Variants in TBC1D16 observed in about 807,000 individuals in gnomAD.
The protein encoded by TBC1D16 is TBC1 domain family member 16.
Under a neutral mutation model 74.7 loss-of-function variants are expected in TBC1D16, and 58 were observed. The ratio of observed to expected loss-of-function variants is 0.78; its 90% CI spans 0.63 to 0.97. The LOEUF (loss-of-function observed/expected upper bound fraction) is 0.97. TBC1D16 is among the 50% of genes least tolerant of loss of function. The pLI is 0.00. For missense variants in TBC1D16, 1,014 were observed against 1,079.5 expected, an observed-to-expected ratio of 0.94 and a Z score of 0.85; for synonymous variants, 493 against 474.7, an observed-to-expected ratio of 1.04 and a Z score of -0.50.
chr17:79,989,509 C>T (rs530428976), intron 3 of TBC1D16, among the ~76,000 whole-genome samples: 1 of 152,342 alleles, frequency 6.6e-6, no homozygotes, highest in Admixed American at 6.5e-5. Flanking sequence ...CTTTGCCTGC[C>T]ATGGACAGAG....
Position 79,971,445 on chromosome 17 carries a change from T to A in TBC1D16, c.780-18627A>T, listed in dbSNP as rs571676357. 1.3e-5 allele frequency among the ~76,000 whole-genome samples: 2 copies of A among 152,084 alleles called. No homozygotes were observed. Among genetic ancestry groups the A allele is most frequent in the Non-Finnish European group, 2.9e-5 (2 of 67,986 alleles). ...CGGCATTGGAAGCCTGTCCCCCAGG[T>A]CATCCTGGTCTGGAAGCCCTGTCCC... is the stretch of plus-strand genomic sequence containing the variant. On this transcript the variant is annotated intron_variant, in intron 3 of 11. Transcript: ENST00000310924. The surrounding 1 kb of genome is among the most constrained non-coding windows in gnomAD (Gnocchi z 4.6).
At position 79,949,770 on chromosome 17, in the gene TBC1D16, C is replaced by G. The variant is rs770194082; in HGVS notation, c.1353G>C (p.Arg451=). 9.9e-6 allele frequency: 16 copies of G among 1,613,504 alleles called. No individual in the cohort carries two copies. Among genetic ancestry groups the G allele is most frequent in the East Asian group, 2.2e-5 (1 of 44,876 alleles). Residue 451 remains arginine (R), a synonymous_variant, in exon 7 of 12, where the codon CGG becomes CGC. Transcript: ENST00000310924. ...TTCGCTTCTGCAGCCGCAGCGCCTC[C>G]CGCTCCTCCGACGTGGACTCGTGGC... ...YYSHESTSEE[R]EALRLQKRKE...
At chr17:79,989,767 G>A (rs879944830) in intron 3 of TBC1D16, among the ~76,000 whole-genome samples, 3 of 152,298 alleles carry the variant, frequency 2.0e-5, no homozygotes, top group East Asian at 1.9e-4. Context: ...ATCGGCCCTC[G>A]CAAGTCCCAC....
rs2032799438 is a variant in TBC1D16, at chr17:79,948,935, A to C, written c.1478T>G (p.Val493Gly). The C allele has an allele frequency of 1.9e-6, 3 of 1,614,166 alleles. No homozygotes were observed. The East Asian group carries it at 6.7e-5, about 36-fold the overall frequency. Residue 493 changes from valine to glycine, a missense_variant, in exon 8 of 12, where the codon GTC becomes GGC. Physicochemically the swap from Val to Gly is moderately radical, Grantham distance 109 (BLOSUM62 -3). Coordinates refer to ENST00000310924, the MANE Select transcript of TBC1D16 (RefSeq NM_019020.4). The stretch of plus-strand genomic sequence containing the variant: ...GAACTGGTTGTTCCGATCTGTCCGG[A>C]CCACGTCTTTGTCCACAGTGAACTG... Reference protein sequence around the residue: ...NVQFTVDKDVVRTDRNNQFFR... With the variant: ...NVQFTVDKDVGRTDRNNQFFR...
chr17:80,026,169 T>C (rs2036577189), intron 1 of TBC1D16: 1 of 150,216 alleles, frequency 6.7e-6, no homozygotes, highest in South Asian at 2.1e-4. Context: ...ACGCCAGTAA[T>C]CCTAGCACTT....
At chr17:80,002,901 G>A (rs957025991) in intron 3 of TBC1D16, among the ~76,000 whole-genome samples, 15 of 152,242 alleles carry the variant, frequency 9.9e-5, no homozygotes, top group African/African-American at 2.4e-4. Flanking sequence ...ACCCGGGAAC[G>A]GTGGCGCACG....
chr17:79,968,399 C>T (rs1032018516), intron 3 of TBC1D16, among the ~76,000 whole-genome samples: 1 of 152,140 alleles, frequency 6.6e-6, no homozygotes, highest in Admixed American at 6.5e-5. Flanking sequence ...ACACTGTCTA[C>T]AACAATTAAC....
intron 1 of TBC1D16, among the ~76,000 whole-genome samples, chr17:80,020,416 T>C (rs991326903): frequency 6.7e-6 from 1 of 149,120 alleles, no homozygotes; most frequent in Non-Finnish European, 1.5e-5. Flanking sequence ...AAATCCTGTC[T>C]CTACTAAAAA....
intron 10 of TBC1D16, chr17:79,943,716 C>T: frequency 1.3e-6 from 1 of 748,610 alleles, no homozygotes. Flanking sequence ...ACGTGGGCCT[C>T]CCGCTGGAAT....
In TBC1D16 at chr17:79,993,351, C is replaced by T. The variant is rs1199457628; in HGVS notation, c.779+16809G>A. Among the ~76,000 whole-genome samples, 1 of 152,196 alleles carries T rather than the reference C, an allele frequency of 6.6e-6. No homozygotes were observed. The highest frequency in any genetic ancestry group is 1.5e-5 in the Non-Finnish European group (1 of 68,032). ...TGAGTGTCTGTCTGTTCTTGATGGT[C>T]AGGGAACCTTACTTTCAGGTCCCCA... is the stretch of plus-strand genomic sequence containing the variant. On this transcript the variant is annotated intron_variant, in intron 3 of 11. Coordinates refer to ENST00000310924, the MANE Select transcript of TBC1D16 (RefSeq NM_019020.4). This position sits in a 1 kb window ranked among gnomAD's most constrained non-coding sequence, Gnocchi z 5.1.
At chr17:79,970,687 G>A (rs906741757) in intron 3 of TBC1D16, among the ~76,000 whole-genome samples, 1 of 152,186 alleles carries the variant, frequency 6.6e-6, no homozygotes, top group African/African-American at 2.4e-5. Flanking sequence ...GGTGGGAGGT[G>A]GAGGGGCTGG....
chr17:80,002,276 C>T (rs2035519334), intron 3 of TBC1D16, among the ~76,000 whole-genome samples: 1 of 152,226 alleles, frequency 6.6e-6, no homozygotes, highest in African/African-American at 2.4e-5. Flanking sequence ...GGCCATTACA[C>T]CAACGATGAA....
chr17:79,976,165 T>C (rs2034321704), intron 3 of TBC1D16, among the ~76,000 whole-genome samples: 1 of 152,224 alleles, frequency 6.6e-6, no homozygotes, highest in Admixed American at 6.5e-5. Context: ...CAGTGATTAC[T>C]CTAAAAGCTT....
At chr17:79,952,571 G>T in intron 4 of TBC1D16, 86 bp downstream of exon 4, 1 of 1,490,486 alleles carries the variant, frequency 6.7e-7, no homozygotes. Flanking sequence ...TCCCCAAGCC[G>T]TGCACTGCAC....
chr17:80,008,711 G>C lies in TBC1D16; in HGVS notation c.779+1449C>G, dbSNP rs1314909919. 2.6e-5 allele frequency among the ~76,000 whole-genome samples: 4 copies of C among 152,330 alleles called. No homozygotes were observed. The highest frequency in any genetic ancestry group is 1.9e-4 in the East Asian group (1 of 5,170). The stretch of plus-strand genomic sequence containing the variant: ...AGCTCAGCAAGCCTCCTGGCACCTG[G>C]AGTCCTCAGTTACGGCTCACGGCTT... On this transcript the variant is annotated intron_variant, in intron 3 of 11. Coordinates refer to ENST00000310924, the MANE Select transcript of TBC1D16 (RefSeq NM_019020.4). This position sits in a 1 kb window ranked among gnomAD's most constrained non-coding sequence, Gnocchi z 4.5.
chr17:79,951,667 T>G, intron 4 of TBC1D16, 70 bp from the exon 5 acceptor site: 1 of 1,553,986 alleles, frequency 6.4e-7, no homozygotes, highest in Non-Finnish European at 8.7e-7. Flanking sequence ...TATTTCCAAG[T>G]ATAATCAGAG....
chr17:79,970,079 T>A (rs1201677561), intron 3 of TBC1D16, among the ~76,000 whole-genome samples: 1 of 152,180 alleles, frequency 6.6e-6, no homozygotes, highest in East Asian at 1.9e-4. Context: ...GTGGCATCCA[T>A]ACAATGGAAT....
intron 1 of TBC1D16, among the ~76,000 whole-genome samples, chr17:80,030,414 C>T (rs2036735421): frequency 6.6e-6 from 1 of 152,180 alleles, no homozygotes; most frequent in Admixed American, 6.5e-5. Flanking sequence ...AGGTGGGCTA[C>T]AGGTTCATGA....
chr17:79,950,566 C>T lies in TBC1D16; in HGVS notation c.1102G>A (p.Asp368Asn). 6.2e-7 allele frequency: 1 copy of T among 1,612,376 alleles called. No individual in the cohort carries two copies. Among genetic ancestry groups the T allele is most frequent in the Non-Finnish European group, 8.5e-7 (1 of 1,179,584 alleles). ...ATGGAGAACTGCATGCATGTCTTAT[C>T]GGGGGCGACCTGCTGGACGGGAGGA... The part of the protein sequence containing the change: ...MQLKDQQVAP[D>N]KTCMQFSIRR... Residue 368 changes from aspartate to asparagine, a missense_variant, in exon 6 of 12, where the codon GAT becomes AAT. By Grantham distance (23) the Asp-to-Asn change is conservative. Transcript: ENST00000310924. This position sits in a 1 kb window ranked among gnomAD's most constrained non-coding sequence, Gnocchi z 4.6.
Sources: gnomAD v4.1 joint callset for allele counts (sites outside exome capture counted in the v4.1 genomes callset) on GRCh38, gnomAD v4.1.1 for gene constraint, Gnocchi (gnomAD v3.1) non-coding constraint, MANE v1.5 for transcripts, NCBI Gene and HGNC (gene_info 2026-07-23, HGNC 2026-07-21) for gene names.